The following ZBTB20 variants were observed in gnomAD, a reference collection of about 807,000 sequenced individuals.
ZBTB20 encodes the protein zinc finger and BTB domain containing 20.
A neutral mutation model predicts 56.9 loss-of-function variants in ZBTB20; 9 were observed. The ratio of observed to expected loss-of-function variants is 0.16; its 90% CI spans 0.10 to 0.28. ZBTB20 has a LOEUF of 0.28. ZBTB20 is among the 10% of genes least tolerant of loss of function. The pLI is 1.00. For synonymous variants in ZBTB20, 417 were observed against 420.7 expected (o/e 0.99, Z 0.11); for missense variants, 655 against 1,003.0 (o/e 0.65, Z 4.69).
intron 2 of ZBTB20, among the ~76,000 whole-genome samples, chr3:115,030,687 C>G (rs1385522831): frequency 1.3e-5 from 2 of 151,222 alleles, no homozygotes; most frequent in Non-Finnish European, 3.0e-5. Context: ...CTCATTTTCA[C>G]GTTAAACCAG....
chr3:114,399,185 G>A (rs1490122295), intron 7 of ZBTB20, among the ~76,000 whole-genome samples: 1 of 152,098 alleles, frequency 6.6e-6, no homozygotes, highest in Admixed American at 6.6e-5. Context: ...TTATGTGAGA[G>A]AGAAAAGTAT....
At chr3:114,915,209 C>T (rs968453861) in intron 3 of ZBTB20, among the ~76,000 whole-genome samples, 1 of 151,686 alleles carries the variant, frequency 6.6e-6, no homozygotes, top group African/African-American at 2.4e-5. Context: ...CCAGGGTTTC[C>T]TTTGCTGAAG....
chr3:114,519,838 T>C (rs1310875094), intron 6 of ZBTB20: 1 of 152,150 alleles, frequency 6.6e-6, no homozygotes. Flanking sequence ...TTACAACTAC[T>C]GCTATAAAAC....
intron 7 of ZBTB20, among the ~76,000 whole-genome samples, chr3:114,436,095 G>A (rs2090495689): frequency 6.6e-6 from 1 of 152,158 alleles, no homozygotes; most frequent in African/African-American, 2.4e-5. Context: ...CGCCAACGGT[G>A]CATTTCCTGG....
At chr3:114,511,316 G>A (rs1194001092) in intron 6 of ZBTB20, among the ~76,000 whole-genome samples, 1 of 152,112 alleles carries the variant, frequency 6.6e-6, no homozygotes, top group East Asian at 1.9e-4. Context: ...TCATCATATT[G>A]TAAGTCTGTC....
At chr3:114,885,937 A>T (rs1442416350) in intron 4 of ZBTB20, among the ~76,000 whole-genome samples, 1 of 152,192 alleles carries the variant, frequency 6.6e-6, no homozygotes, top group African/African-American at 2.4e-5. Context: ...TAAAATTCAA[A>T]TTTATCTATG....
intron 6 of ZBTB20, among the ~76,000 whole-genome samples, chr3:114,608,549 T>G (rs1420755409): frequency 6.6e-6 from 1 of 152,224 alleles, no homozygotes; most frequent in Non-Finnish European, 1.5e-5. Flanking sequence ...CATCCCATTT[T>G]AATGTTTCTG....
intron 5 of ZBTB20, among the ~76,000 whole-genome samples, chr3:114,742,610 A>G (rs1283275463): frequency 6.6e-6 from 1 of 152,212 alleles, no homozygotes; most frequent in East Asian, 1.9e-4. Context: ...AAGCTGACAG[A>G]GATTAAATAA....
At chr3:114,618,795 C>T (rs528715533) in intron 6 of ZBTB20, among the ~76,000 whole-genome samples, 9 of 152,228 alleles carry the variant, frequency 5.9e-5, no homozygotes, top group African/African-American at 2.2e-4. Flanking sequence ...TTTTTCAATT[C>T]ACTATTGAAA....
intron 3 of ZBTB20, among the ~76,000 whole-genome samples, chr3:114,914,363 CT>C (rs1477203849): frequency 2.0e-5 from 3 of 151,782 alleles, no homozygotes; most frequent in Non-Finnish European, 4.4e-5. Flanking sequence ...TTTTAAATTT[CT>C]TTTTCAGATT....
intron 6 of ZBTB20, among the ~76,000 whole-genome samples, chr3:114,677,670 T>C (rs955735508): frequency 3.3e-5 from 5 of 152,140 alleles, no homozygotes; most frequent in African/African-American, 9.7e-5. Context: ...CTGTTAACTA[T>C]TGAAAAGAGA....
At chr3:114,673,462 C>G (rs1560110649) in intron 6 of ZBTB20, among the ~76,000 whole-genome samples, 1 of 152,076 alleles carries the variant, frequency 6.6e-6, no homozygotes, top group Non-Finnish European at 1.5e-5. Flanking sequence ...TTTAACTGAT[C>G]AGTGAATTAG....
chr3:114,520,661 C>T (rs909400543), intron 6 of ZBTB20, among the ~76,000 whole-genome samples: 5 of 152,056 alleles, frequency 3.3e-5, no homozygotes, highest in African/African-American at 1.2e-4. Flanking sequence ...GCCTACTGGA[C>T]ATTCATATCT....
At chr3:114,488,852 T>C (rs1407160090) in intron 7 of ZBTB20, among the ~76,000 whole-genome samples, 8 of 152,226 alleles carry the variant, frequency 5.3e-5, no homozygotes, top group African/African-American at 1.9e-4. Flanking sequence ...CAATAAATTA[T>C]GCATATACTG....
At chr3:115,033,865 C>A (rs534790705) in intron 2 of ZBTB20, among the ~76,000 whole-genome samples, 34 of 151,690 alleles carry the variant, frequency 2.2e-4, no homozygotes, top group African/African-American at 7.5e-4. Flanking sequence ...CAAATTATAG[C>A]AAACCAAATT....
intron 5 of ZBTB20, among the ~76,000 whole-genome samples, chr3:114,738,718 C>T (rs1005415226): frequency 8.5e-5 from 13 of 152,110 alleles, no homozygotes; most frequent in African/African-American, 3.1e-4. Flanking sequence ...TCCGATAAAT[C>T]CTATAGTGTC....
chr3:114,470,200 A>G (rs982467524), intron 7 of ZBTB20, among the ~76,000 whole-genome samples: 1 of 152,136 alleles, frequency 6.6e-6, no homozygotes, highest in Non-Finnish European at 1.5e-5. Context: ...GTCTCAGATT[A>G]CCCTATGTTT....
intron 7 of ZBTB20, among the ~76,000 whole-genome samples, chr3:114,437,562 C>A (rs2090603596): frequency 6.6e-6 from 1 of 152,048 alleles, no homozygotes; most frequent in South Asian, 2.1e-4. Context: ...GTTAGGTAAG[C>A]ATCTCTCTAG....
At chr3:114,340,614 A>G (rs1039554681) in intron 11 of ZBTB20, among the ~76,000 whole-genome samples, 1 of 152,156 alleles carries the variant, frequency 6.6e-6, no homozygotes, top group African/African-American at 2.4e-5. Flanking sequence ...TTACTTAAAG[A>G]CTTGTTTTCT....
Sources: allele counts gnomAD v4.1 joint callset (sites outside exome capture counted in the v4.1 genomes callset), GRCh38; gene constraint gnomAD v4.1.1; transcripts MANE v1.5; gene names NCBI Gene and HGNC (gene_info 2026-07-23, HGNC 2026-07-21).